Variants in CCDC47 observed in about 807,000 individuals in gnomAD.
The protein encoded by CCDC47 is coiled-coil domain containing 47.
CCDC47 carries 41 observed loss-of-function variants against 60.5 expected under a neutral mutation model. The ratio of observed to expected loss-of-function variants is 0.68; its 90% CI spans 0.53 to 0.88. The LOEUF is 0.88. Among genes scored for constraint, CCDC47 ranks in the 40% least tolerant of loss-of-function variants. The pLI is 0.00. For missense variants in CCDC47, 513 were observed against 580.9 expected (o/e 0.88, Z 1.20); for synonymous variants, 195 against 190.7 (o/e 1.02, Z -0.18).
chr17:63,761,399 G>C (rs376937997), intron 4 of CCDC47, 48 bp from the exon 5 acceptor site: 41 of 1,609,898 alleles, frequency 2.5e-5, no homozygotes, highest in Non-Finnish European at 3.3e-5. Flanking sequence ...TGTCAAGGCC[G>C]GGCCGGGGGT....
intron 4 of CCDC47, chr17:63,762,370 A>C (rs1369101521): frequency 5.3e-6 from 2 of 374,298 alleles, no homozygotes; most frequent in Admixed American, 6.5e-5. Flanking sequence ...CTTTGCAAAC[A>C]GGTAGATAAG....
chr17:63,751,566 T>C (rs927946746), intron 12 of CCDC47, among the ~76,000 whole-genome samples: 7 of 152,066 alleles, frequency 4.6e-5, no homozygotes, highest in African/African-American at 1.4e-4. Context: ...TCTCTAATTC[T>C]ATAATCAGAT....
At chr17:63,771,534 G>T (rs773292436) in intron 1 of CCDC47, among the ~76,000 whole-genome samples, 47 of 152,134 alleles carry the variant, frequency 3.1e-4, no homozygotes, top group Non-Finnish European at 6.3e-4. Context: ...AAAGAGGTAT[G>T]GGATGTGTCT....
At chr17:63,769,778 A>G (rs2039323597) in intron 1 of CCDC47, among the ~76,000 whole-genome samples, 1 of 152,124 alleles carries the variant, frequency 6.6e-6, no homozygotes, top group Non-Finnish European at 1.5e-5. Flanking sequence ...GCTAAAAAAT[A>G]TCTCATAATG....
intron 12 of CCDC47, chr17:63,747,307 C>G (rs8079818): frequency 0.63 from 622,441 of 982,742 alleles, 200,194 homozygotes; most frequent in African/African-American, 0.92. Context: ...TTCATGATGG[C>G]ATTATATCAT....
intron 1 of CCDC47, among the ~76,000 whole-genome samples, chr17:63,773,091 T>C (rs901158841): frequency 2.0e-5 from 3 of 152,218 alleles, no homozygotes; most frequent in South Asian, 2.1e-4. Flanking sequence ...TGTCTCTTTA[T>C]ATGTGTTGGA....
chr17:63,759,707 A>G (rs1300953505), intron 6 of CCDC47, among the ~76,000 whole-genome samples: 3 of 150,666 alleles, frequency 2.0e-5, no homozygotes, highest in African/African-American at 7.3e-5. Context: ...ATTATAGAAA[A>G]GAAAAAAACT....
intron 4 of CCDC47, among the ~76,000 whole-genome samples, chr17:63,763,739 G>A (rs1186219182): frequency 2.6e-5 from 4 of 151,678 alleles, no homozygotes; most frequent in African/African-American, 9.7e-5. Context: ...CAGAAGAATC[G>A]CTTGAACCCA....
intron 12 of CCDC47, chr17:63,747,756 G>A (rs2144464185): frequency 1.0e-6 from 1 of 985,310 alleles, no homozygotes; most frequent in Admixed American, 6.1e-5. Context: ...AAGAAAAGAA[G>A]AAGTGCAAAG....
intron 1 of CCDC47, among the ~76,000 whole-genome samples, chr17:63,768,974 C>G (rs1178311969): frequency 6.6e-6 from 1 of 151,580 alleles, no homozygotes; most frequent in South Asian, 2.1e-4. Flanking sequence ...ATCCCAGCTA[C>G]TTGGGAGGCT....
Position 63,753,185 on chromosome 17 carries a change from C to A in CCDC47, c.1035-386G>T, listed in dbSNP as rs976166574. ...CAACTCCTATTCTATCTTCCTATAA[C>A]AAGGCATCTTATTATCTTATTTTTG... On this transcript the variant is annotated intron_variant, in intron 9 of 12. Coordinates refer to ENST00000225726, the MANE Select transcript of CCDC47 (RefSeq NM_020198.3). The A allele has an allele frequency of 7.7e-6, 5 of 652,916 alleles. No homozygotes were observed. In the African/African-American group the frequency reaches 9.9e-5, roughly 13 times the overall value. 40.4% of individuals were successfully genotyped at this position (652,916 alleles called of 1,614,324 possible). A position where few individuals can be genotyped will look rare whatever the true frequency, so the allele number is the denominator to read the frequency against.
At chr17:63,761,881 CT>C (rs2039264275) in intron 4 of CCDC47, 38 of 819,840 alleles carry the variant, frequency 4.6e-5, no homozygotes, top group Non-Finnish European at 5.6e-5. Flanking sequence ...AATATGGATT[CT>C]AAGCACATGC....
At chr17:63,770,053 T>C (rs1378990446) in intron 1 of CCDC47, among the ~76,000 whole-genome samples, 2 of 150,390 alleles carry the variant, frequency 1.3e-5, no homozygotes, top group African/African-American at 4.9e-5. Flanking sequence ...CTCTGCCTCC[T>C]GGGTTCAAGC....
chr17:63,763,578 C>T (rs557896306), intron 4 of CCDC47, among the ~76,000 whole-genome samples: 2 of 151,938 alleles, frequency 1.3e-5, no homozygotes, highest in Non-Finnish European at 2.9e-5. Context: ...GTAATCCCTG[C>T]AATCTGGGAG....
At chr17:63,761,595 G>A (rs2039261757) in intron 4 of CCDC47, 2 of 266,204 alleles carry the variant, frequency 7.5e-6, no homozygotes, top group East Asian at 8.3e-5. Flanking sequence ...TACTCAGGAG[G>A]CTGAGGCAGG....
At chr17:63,760,764 G>A (rs1006281949) in intron 6 of CCDC47, 150 bp downstream of exon 6, 41 of 554,516 alleles carry the variant, frequency 7.4e-5, no homozygotes, top group South Asian at 6.7e-4. Context: ...GCTTGAATAC[G>A]GGAGGCAGAG....
intron 12 of CCDC47, among the ~76,000 whole-genome samples, chr17:63,751,390 A>AAAAAAAAAAAAAAAAAAAAAAAAAAAAT (rs2039163907): frequency 6.9e-6 from 1 of 145,304 alleles, no homozygotes; most frequent in Non-Finnish European, 1.5e-5. Context: ...AAAAAAAAAA[A>AAAAAAAAAAAAAAAAAAAAAAAAAAAAT]AAAAAAAAAA....
At chr17:63,761,451 G>A (rs918062342) in intron 4 of CCDC47, 100 bp from the exon 5 acceptor site, 2 of 1,328,342 alleles carry the variant, frequency 1.5e-6, no homozygotes, top group African/African-American at 2.9e-5. Flanking sequence ...GGAGGCTGAG[G>A]TGGGTGGATC....
chr17:63,765,286 A>G (rs8081454), intron 2 of CCDC47, among the ~76,000 whole-genome samples: 106,211 of 151,858 alleles, frequency 0.7, 38,590 homozygotes, highest in African/African-American at 0.92. Flanking sequence ...AAAGCTGGGG[A>G]GCACCCAAAA....
Sources: allele counts gnomAD v4.1 joint callset (sites outside exome capture counted in the v4.1 genomes callset), GRCh38; gene constraint gnomAD v4.1.1; transcripts MANE v1.5; gene names NCBI Gene and HGNC (gene_info 2026-07-23, HGNC 2026-07-21).